The following SORCS2 variants were observed in gnomAD, a reference collection of about 807,000 sequenced individuals.
The protein encoded by SORCS2 is sortilin related VPS10 domain containing receptor 2.
In SORCS2, 100 loss-of-function variants were observed where a neutral mutation model predicts 141.6. The observed-to-expected ratio is 0.71, with a 90% CI of 0.60 to 0.83. The LOEUF is 0.83. SORCS2 is among the 40% of genes least tolerant of loss of function. The pLI is 0.00. For missense variants in SORCS2, 1,646 were observed against 1,560.2 expected (o/e 1.05, Z -0.93); for synonymous variants, 789 against 676.9 (o/e 1.17, Z -2.57).
intron 4 of SORCS2, among the ~76,000 whole-genome samples, chr4:7,649,387 G>GC (rs1721293492): frequency 6.6e-6 from 1 of 151,716 alleles, no homozygotes; most frequent in African/African-American, 2.4e-5. Context: ...GAGGGTGTGG[G>GC]CTTTTTTGGA....
At chr4:7,370,136 C>A (rs1722155400) in intron 1 of SORCS2, among the ~76,000 whole-genome samples, 1 of 152,142 alleles carries the variant, frequency 6.6e-6, no homozygotes, top group African/African-American at 2.4e-5. Flanking sequence ...CCAGGAGAGG[C>A]CCTTTTTTTT....
chr4:7,603,142 G>T (rs1440913262), intron 3 of SORCS2, among the ~76,000 whole-genome samples: 8 of 151,756 alleles, frequency 5.3e-5, no homozygotes, highest in African/African-American at 1.9e-4. Context: ...ATCAGAGGGA[G>T]ACCATGGAGA....
intron 1 of SORCS2, among the ~76,000 whole-genome samples, chr4:7,391,305 C>G (rs1039822216): frequency 2.6e-5 from 4 of 152,214 alleles, no homozygotes; most frequent in African/African-American, 9.7e-5. Context: ...CCCCTTTCCC[C>G]AGAGCAGCAG....
intron 3 of SORCS2, among the ~76,000 whole-genome samples, chr4:7,611,227 G>C (rs1232297963): frequency 6.6e-6 from 1 of 152,248 alleles, no homozygotes; most frequent in African/African-American, 2.4e-5. Flanking sequence ...TGCAGGTGGA[G>C]CTGGGGCTTC....
At chr4:7,306,903 C>T (rs951284857) in intron 1 of SORCS2, among the ~76,000 whole-genome samples, 1 of 152,190 alleles carries the variant, frequency 6.6e-6, no homozygotes, top group Non-Finnish European at 1.5e-5. Context: ...GAGGGCTGGA[C>T]TGGGTGACAT....
intron 19 of SORCS2, among the ~76,000 whole-genome samples, chr4:7,724,407 G>GA: frequency 6.8e-6 from 1 of 147,182 alleles, no homozygotes; most frequent in East Asian, 2.0e-4. Context: ...GGTGATAGTA[G>GA]TGGTGGGAAT....
At chr4:7,580,274 G>A (rs1716053726) in intron 3 of SORCS2, among the ~76,000 whole-genome samples, 1 of 152,158 alleles carries the variant, frequency 6.6e-6, no homozygotes, top group Admixed American at 6.5e-5. Flanking sequence ...TTGAGGCCAG[G>A]AGTTTGAGAC....
At chr4:7,412,653 C>T (rs112696090) in intron 2 of SORCS2, among the ~76,000 whole-genome samples, 1 of 152,102 alleles carries the variant, frequency 6.6e-6, no homozygotes, top group African/African-American at 2.4e-5. Flanking sequence ...AGGATTCTCC[C>T]TCCAGAGTTC....
chr4:7,339,842 T>A (rs955725694), intron 1 of SORCS2, among the ~76,000 whole-genome samples: 1 of 151,896 alleles, frequency 6.6e-6, no homozygotes, highest in African/African-American at 2.4e-5. Context: ...CTGGGAGGAG[T>A]GTCTCCTAAA....
intron 1 of SORCS2, among the ~76,000 whole-genome samples, chr4:7,285,758 A>G (rs1052198365): frequency 6.6e-6 from 1 of 152,248 alleles, no homozygotes; most frequent in Non-Finnish European, 1.5e-5. Context: ...GGGCCAAGGC[A>G]GATCCCCGTT....
rs897126357 is a variant in SORCS2, at chr4:7,305,188, C to T, written c.481-91100C>T. Reference sequence around the variant, plus strand: ...CTGGGACTGCAGGCGCCTGCCACCGCGCCCGGCTAATTTTTTGTATTTTTA... The same window carrying T: ...CTGGGACTGCAGGCGCCTGCCACCGTGCCCGGCTAATTTTTTGTATTTTTA... On this transcript the variant is annotated intron_variant, in intron 1 of 26. Transcript: ENST00000507866. Among the ~76,000 whole-genome samples the T allele has an allele frequency of 7.2e-5, 11 of 152,020 alleles. 1 individual carries two copies. The South Asian group carries it at 8.3e-4, about 11-fold the overall frequency.
chr4:7,689,350 A>G (rs1372739451), intron 10 of SORCS2, 136 bp from the exon 11 acceptor site: 3 of 718,994 alleles, frequency 4.2e-6, no homozygotes, highest in African/African-American at 1.8e-5. Flanking sequence ...CCCATCCTCC[A>G]TCCGTTCCTC....
chr4:7,698,843 G>A (rs1349755627), intron 12 of SORCS2, among the ~76,000 whole-genome samples: 2 of 128,252 alleles, frequency 1.6e-5, no homozygotes, highest in Non-Finnish European at 3.3e-5. Flanking sequence ...AGGGAGAGAT[G>A]CTCCTGTGGG....
intron 1 of SORCS2, among the ~76,000 whole-genome samples, chr4:7,261,979 T>C (rs1714358741): frequency 2.0e-5 from 3 of 152,256 alleles, no homozygotes; most frequent in South Asian, 4.1e-4. Flanking sequence ...CTGAACAATA[T>C]TGATAAATAC....
chr4:7,439,914 G>C (rs1372384396), intron 2 of SORCS2, among the ~76,000 whole-genome samples: 1 of 152,056 alleles, frequency 6.6e-6, no homozygotes, highest in Admixed American at 6.6e-5. Context: ...GGGGCAGGTG[G>C]GTATGTGCTG....
intron 1 of SORCS2, among the ~76,000 whole-genome samples, chr4:7,341,269 G>A (rs73210403): frequency 0.15 from 22,851 of 152,178 alleles, 1,966 homozygotes; most frequent in Non-Finnish European, 0.2. Flanking sequence ...CAGCCCCTGG[G>A]CCTTTGCACA....
At chr4:7,333,876 C>A (rs1719816334) in intron 1 of SORCS2, among the ~76,000 whole-genome samples, 1 of 152,214 alleles carries the variant, frequency 6.6e-6, no homozygotes, top group Admixed American at 6.5e-5. Context: ...CTGGAACTCA[C>A]AGTGGGAGCT....
At chr4:7,636,280 G>T (rs181291555) in intron 3 of SORCS2, among the ~76,000 whole-genome samples, 3,580 of 152,322 alleles carry the variant, frequency 0.024, 52 homozygotes, top group Non-Finnish European at 0.036. Context: ...ACCACGTCCG[G>T]TACAGCCACA....
intron 1 of SORCS2, among the ~76,000 whole-genome samples, chr4:7,387,949 CACAT>C (rs1723559946): frequency 7.2e-6 from 1 of 139,200 alleles, no homozygotes; most frequent in East Asian, 2.1e-4. Context: ...TACACATACA[CACAT>C]GCACACACAC....
Sources: allele counts gnomAD v4.1 joint callset (sites outside exome capture counted in the v4.1 genomes callset), GRCh38; gene constraint gnomAD v4.1.1; transcripts MANE v1.5; gene names NCBI Gene and HGNC (gene_info 2026-07-23, HGNC 2026-07-21).